Variants in TLN1 observed in about 807,000 individuals in gnomAD.
TLN1 encodes talin 1.
In TLN1, 56 loss-of-function variants were observed where a neutral mutation model predicts 292.3. The observed-to-expected ratio is 0.19, with a 90% CI of 0.15 to 0.24. The LOEUF (loss-of-function observed/expected upper bound fraction) is 0.24, where lower values mean the gene tolerates loss of function less well. Among genes scored for constraint, TLN1 ranks in the 10% least tolerant of loss-of-function variants. TLN1 has a pLI of 1.00. For synonymous variants in TLN1, 1,119 were observed against 1,253.7 expected (o/e 0.89, Z 2.27); for missense variants, 2,433 against 3,248.2 (o/e 0.75, Z 6.10).
chr9:35,714,562 G>C lies in TLN1; in HGVS notation c.2985+12C>G, dbSNP rs748228812. The C allele has an allele frequency of 1.2e-5, 19 of 1,606,754 alleles. No homozygotes were observed. Among genetic ancestry groups the C allele is most frequent in the African/African-American group, 9.3e-5 (7 of 74,914 alleles). On this transcript the variant is annotated intron_variant, in intron 23 of 56. Transcript: ENST00000314888. The surrounding 1 kb of genome is among the most constrained non-coding windows in gnomAD (Gnocchi z 4.6). Reference sequence around the variant, plus strand: ...AAGGTCAGGTCAGAGAAGTGCAGAGGGGGTGCCTTGCCTGCAGGAAGCTCT... The same window carrying C: ...AAGGTCAGGTCAGAGAAGTGCAGAGCGGGTGCCTTGCCTGCAGGAAGCTCT...
At position 35,715,110 on chromosome 9, in the gene TLN1, G is replaced by C. The variant is rs1222543307; in HGVS notation, c.2703C>G (p.Thr901=). The C allele has an allele frequency of 1.2e-6, 2 of 1,613,304 alleles. No homozygotes were observed. The highest frequency in any genetic ancestry group is 4.5e-5 in the East Asian group (2 of 44,888). The change falls in exon 21 of 57, where the codon ACC becomes ACG. Residue 901 remains threonine, a synonymous_variant. Coordinates refer to ENST00000314888, the MANE Select transcript of TLN1 (RefSeq NM_006289.4). ...TGATGGCATTCTGCGCAGCTGCATTGGTGGCCATGCGCAGCCCCTCAGCTG... is the reference window on the plus strand; with the variant it reads ...TGATGGCATTCTGCGCAGCTGCATTCGTGGCCATGCGCAGCCCCTCAGCTG... ...REAAEGLRMA[T]NAAAQNAIKK... is the part of the protein sequence containing the mutation.
Position 35,710,563 on chromosome 9 carries a change from G to A in TLN1, c.4324C>T (p.Gln1442Ter). The change falls in exon 33 of 57, where the codon CAG (glutamine) becomes TAG (stop). Residue 1442 changes from glutamine (Q) to a stop codon, truncating the protein, a stop_gained and splice_region_variant. Coordinates refer to ENST00000314888, the MANE Select transcript of TLN1 (RefSeq NM_006289.4). LOFTEE classifies it high-confidence loss of function. ...AGAACCCATCTCAGGAAAATAACCT[G>A]TGCAGCTGCCTCGGTGAAGCCACAA... Reference protein sequence around the residue: ...ALCGFTEAAAQAAYLVGVSDP... With the variant: ...ALCGFTEAAA 1.2e-6 allele frequency: 2 copies of A among 1,613,080 alleles called. No individual in the cohort carries two copies. The highest frequency in any genetic ancestry group is 1.7e-6 in the Non-Finnish European group (2 of 1,179,824).
At chr9:35,726,020 C>A (rs1825971369) in intron 1 of TLN1, among the ~76,000 whole-genome samples, 1 of 152,150 alleles carries the variant, frequency 6.6e-6, no homozygotes, top group South Asian at 2.1e-4. Flanking sequence ...TCACGCCATT[C>A]TCCTGTCTCA....
chr9:35,703,410 C>T, intron 48 of TLN1, 150 bp downstream of exon 48: 2 of 716,024 alleles, frequency 2.8e-6, no homozygotes, highest in Admixed American at 2.2e-5. Flanking sequence ...GGCTACAGAG[C>T]AAGACCCTTC....
Position 35,700,394 on chromosome 9 carries a change from GAAGA to G in TLN1, c.6475-22_6475-19del. ...CAGAAAACCTGTGGGGGCAGAAGAA[GAAGA>G]AAGATTTTACAGTGGCTGAGACTAT... is the stretch of plus-strand genomic sequence containing the variant. On this transcript the variant is annotated intron_variant, in intron 48 of 56. Coordinates refer to ENST00000314888, the MANE Select transcript of TLN1 (RefSeq NM_006289.4). 1.3e-6 allele frequency: 2 copies of G among 1,588,750 alleles called. No individual in the cohort carries two copies. The highest frequency in any genetic ancestry group is 1.3e-5 in the African/African-American group (1 of 74,390).
chr9:35,711,964 C>T (rs936721325), intron 28 of TLN1, 41 bp downstream of exon 28: 2 of 1,608,236 alleles, frequency 1.2e-6, no homozygotes, highest in African/African-American at 2.7e-5. Flanking sequence ...GCCTGGCATT[C>T]TTTGACTCCT....
At chr9:35,705,356 T>C (rs1825546140) in intron 43 of TLN1, among the ~76,000 whole-genome samples, 195 bp downstream of exon 43, 1 of 152,192 alleles carries the variant, frequency 6.6e-6, no homozygotes, top group African/African-American at 2.4e-5. Flanking sequence ...GATTCTGAGC[T>C]GTTTCCTTTG....
chr9:35,711,578 C>T lies in TLN1; in HGVS notation c.3879+17G>A, dbSNP rs751330735. 2 of 1,613,364 alleles carry T rather than the reference C, an allele frequency of 1.2e-6. No individual in the cohort carries two copies. The highest frequency in any genetic ancestry group is 1.7e-5 in the Admixed American group (1 of 60,024). ...CTTAGTGGGAACCATTCAACCAGACCCTCTGCCTCTTCATACCGGAGCCTG... is the reference window on the plus strand; with the variant it reads ...CTTAGTGGGAACCATTCAACCAGACTCTCTGCCTCTTCATACCGGAGCCTG... On this transcript the variant is annotated intron_variant, in intron 29 of 56. Coordinates refer to ENST00000314888, the MANE Select transcript of TLN1 (RefSeq NM_006289.4).
intron 3 of TLN1, 96 bp from the exon 4 acceptor site, chr9:35,725,055 G>A (rs912767263): frequency 7.6e-6 from 12 of 1,585,074 alleles, no homozygotes; most frequent in Non-Finnish European, 9.5e-6. Context: ...AGCACTGAAA[G>A]GAAGACTATG....
At chr9:35,721,595 G>A (rs952664885) in intron 10 of TLN1, 53 bp downstream of exon 10, 9 of 1,583,090 alleles carry the variant, frequency 5.7e-6, no homozygotes, top group Non-Finnish European at 7.8e-6. Context: ...CTCTGCAGCT[G>A]CCCCTTTAAT....
rs368693885 is a variant in TLN1 at position 35,705,630 on chromosome 9, A to C, written c.5654T>G (p.Leu1885Arg). The C allele has an allele frequency of 1.1e-5, 17 of 1,608,392 alleles. No homozygotes were observed. Among genetic ancestry groups the C allele is most frequent in the Admixed American group, 6.7e-5 (4 of 59,860 alleles). Reference protein sequence around the residue: ...SNTSPEELGPLANQLTSDYGR... With the variant: ...SNTSPEELGPRANQLTSDYGR... ...ATAGTCACTGGTCAGCTGGTTAGCAAGAGGGCCCAGCTCCTCTGGGCTGGT... is the reference window on the plus strand; with the variant it reads ...ATAGTCACTGGTCAGCTGGTTAGCACGAGGGCCCAGCTCCTCTGGGCTGGT... The change falls in exon 43 of 57, where the codon CTT becomes CGT. Residue 1885 changes from leucine to arginine, a missense_variant. Around this residue, in one of 7 missense-constraint regions of TLN1, gnomAD observed 1,384 missense variants for 1,699.6 expected, o/e 0.81. Coordinates refer to ENST00000314888, the MANE Select transcript of TLN1 (RefSeq NM_006289.4).
At chr9:35,725,441 T>C (rs1825959519) in intron 2 of TLN1, 120 bp from the exon 3 acceptor site, 7 of 1,534,828 alleles carry the variant, frequency 4.6e-6, no homozygotes, top group South Asian at 3.5e-5. Flanking sequence ...GAGGGAACCA[T>C]GGAACACAGA....
At chr9:35,718,761 G>T (rs1204840053) in intron 17 of TLN1, 51 bp downstream of exon 17, 2 of 1,525,614 alleles carry the variant, frequency 1.3e-6, no homozygotes, top group East Asian at 2.3e-5. Context: ...TTCACGAGCA[G>T]AAGTTACTTC....
At position 35,710,851 on chromosome 9, in the gene TLN1, G is replaced by A; in HGVS notation, c.4149C>T (p.Pro1383=). ...VRELLENPVQ[P]INDMSYFGCL... is the part of the protein sequence containing the mutation. ...AACCAAAGTAGGACATGTCATTGAT[G>A]GGCTGGACTGGGTTCTCCAGGAGTT... Residue 1383 remains proline, a synonymous_variant, in exon 32 of 57, where the codon CCC becomes CCT. Transcript: ENST00000314888. 6.2e-7 allele frequency: 1 copy of A among 1,614,226 alleles called. No individual in the cohort carries two copies. The highest frequency in any genetic ancestry group is 1.1e-5 in the South Asian group (1 of 91,082).
chr9:35,730,871 T>C (rs1349353695), intron 1 of TLN1, among the ~76,000 whole-genome samples: 1 of 152,116 alleles, frequency 6.6e-6, no homozygotes, highest in African/African-American at 2.4e-5. Flanking sequence ...ATGGCAACAG[T>C]GATTCCTTGG....
chr9:35,721,931 G>C, intron 9 of TLN1, 128 bp from the exon 10 acceptor site: 1 of 1,314,006 alleles, frequency 7.6e-7, no homozygotes. Context: ...GGAAAATGCA[G>C]GGTAGGGAGG....
Position 35,706,539 on chromosome 9 carries a change from G to T in TLN1, c.5101C>A (p.Gln1701Lys). 4.3e-6 allele frequency: 7 copies of T among 1,614,052 alleles called. No homozygotes were observed. The highest frequency in any genetic ancestry group is 5.9e-6 in the Non-Finnish European group (7 of 1,179,996). ...EGISQEALHT[Q>K]MLTAVQEISH... ...ATCTCTTGGACTGCAGTGAGCATCT[G>T]AGTGTGCAAGGCCTGGGGAGGAAGT... The change falls in exon 39 of 57, where the codon CAG becomes AAG. Residue 1701 changes from glutamine to lysine, a missense_variant. By Grantham distance (53) the Gln-to-Lys change is moderately conservative. Coordinates refer to ENST00000314888, the MANE Select transcript of TLN1 (RefSeq NM_006289.4). This position sits in a 1 kb window ranked among gnomAD's most constrained non-coding sequence, Gnocchi z 4.2.
Position 35,719,347 on chromosome 9 carries a change from G to A in TLN1, c.1688-65C>T, listed in dbSNP as rs1825842573. 2 of 1,524,030 alleles carry A rather than the reference G, an allele frequency of 1.3e-6. No individual in the cohort carries two copies. Among genetic ancestry groups the A allele is most frequent in the African/African-American group, 2.7e-5 (2 of 72,912 alleles). 94.4% of individuals were successfully genotyped at this position (1,524,030 alleles called of 1,614,324 possible). On this transcript the variant is annotated intron_variant, in intron 15 of 56. Transcript: ENST00000314888. The surrounding 1 kb of genome is among the most constrained non-coding windows in gnomAD (Gnocchi z 4.6). Reference sequence around the variant, plus strand: ...CAGGCCAGACGAAGGGCTGGGGAGGGAGCAAAGTCACACCCAGTTAGTCAC... The same window carrying A: ...CAGGCCAGACGAAGGGCTGGGGAGGAAGCAAAGTCACACCCAGTTAGTCAC...
Position 35,713,233 on chromosome 9 carries a change from T to C in TLN1, c.3315A>G (p.Leu1105=). 6.3e-7 allele frequency: 1 copy of C among 1,598,400 alleles called. No homozygotes were observed. The highest frequency in any genetic ancestry group is 8.6e-7 in the Non-Finnish European group (1 of 1,166,832). ...CATTGCCCTGGGCAACCTCTCCCAG[T>C]AGCTGGGCGATGGCTGAGCTCACGG... ...TKAVSSAIAQ[L]LGEVAQGNEN... is the part of the protein sequence containing the mutation. Residue 1105 remains leucine (L), a synonymous_variant, in exon 26 of 57, where the codon CTA becomes CTG. Coordinates refer to ENST00000314888, the MANE Select transcript of TLN1 (RefSeq NM_006289.4).
Sources: allele counts gnomAD v4.1 joint callset (sites outside exome capture counted in the v4.1 genomes callset), GRCh38; gene constraint gnomAD v4.1.1; regional missense constraint gnomAD v4.1.1; non-coding constraint Gnocchi (gnomAD v3.1); transcripts MANE v1.5; gene names NCBI Gene and HGNC (gene_info 2026-07-23, HGNC 2026-07-21).